The following KIF7 variants were observed in gnomAD, a reference collection of about 807,000 sequenced individuals.
KIF7 encodes kinesin family member 7.
In KIF7, 104 loss-of-function variants were observed where a neutral mutation model predicts 135.7. The ratio of observed to expected loss-of-function variants is 0.77; its 90% CI spans 0.65 to 0.90. The LOEUF is 0.90. Ranked by LOEUF, KIF7 falls within the 40% of genes least tolerant of loss-of-function variation. The pLI, the probability that KIF7 is intolerant of heterozygous loss-of-function variation, is 0.00. For missense variants in KIF7, 2,005 were observed against 1,839.1 expected (o/e 1.09, Z -1.65); for synonymous variants, 883 against 809.4 (o/e 1.09, Z -1.54).
At chr15:89,629,215 G>A in intron 17 of KIF7, 93 bp from the exon 18 acceptor site, 2 of 1,084,762 alleles carry the variant, frequency 1.8e-6, no homozygotes, top group Non-Finnish European at 2.6e-6. Flanking sequence ...CTGGGTGGGG[G>A]CCGGGGTTGT....
At chr15:89,658,820 C>T (rs1964230841), upstream of KIF7, among the ~76,000 whole-genome samples, 1 of 151,624 alleles carries the variant, frequency 6.6e-6, no homozygotes, top group Admixed American at 6.6e-5. Context: ...GCTGTGATGG[C>T]GCCACTGCAC....
At chr15:89,652,119 G>T (rs1964133139) in intron 2 of KIF7, among the ~76,000 whole-genome samples, 1 of 152,162 alleles carries the variant, frequency 6.6e-6, no homozygotes, top group Non-Finnish European at 1.5e-5. Context: ...TACTTAAAAG[G>T]GGACACTTCC....
chr15:89,633,028 T>A (rs756843103), intron 13 of KIF7, 32 bp from the exon 14 acceptor site: 1 of 1,024,372 alleles, frequency 9.8e-7, no homozygotes, highest in African/African-American at 2.0e-5. Flanking sequence ...GGGAGGGAAC[T>A]CAGGGCCCAC....
At chr15:89,646,439 A>T (rs929764338) in intron 7 of KIF7, among the ~76,000 whole-genome samples, 4 of 152,090 alleles carry the variant, frequency 2.6e-5, no homozygotes, top group Non-Finnish European at 4.4e-5. Flanking sequence ...CCTTTGTCCA[A>T]ACAAGGTTCC....
In KIF7 at chr15:89,633,802, GC is replaced by G. The variant is rs1567060121; in HGVS notation, c.2475del (p.Glu825AspfsTer32). 2 of 1,612,540 alleles carry G rather than the reference GC, an allele frequency of 1.2e-6. No individual in the cohort carries two copies. The highest frequency in any genetic ancestry group is 1.7e-6 in the Non-Finnish European group (2 of 1,180,028). Reference sequence around the variant, plus strand: ...TGCTGCCGCATGAGCTGCACGTTCCGCTCGAGCTCCTGCAGTCGCTTCTCAC... The same window carrying G: ...TGCTGCCGCATGAGCTGCACGTTCCGTCGAGCTCCTGCAGTCGCTTCTCAC... The part of the protein sequence containing the change: ...AQSEKRLQEL[E>X]RNVQLMRQQQ... On this transcript the variant is annotated frameshift_variant, in exon 12 of 19. Transcript: ENST00000394412. LOFTEE classifies it high-confidence loss of function.
At chr15:89,631,349 A>C in intron 15 of KIF7, 146 bp downstream of exon 15, 1 of 726,728 alleles carries the variant, frequency 1.4e-6, no homozygotes, top group Non-Finnish European at 2.2e-6. Context: ...AGCCCTCCCC[A>C]GCCCCCACCT....
chr15:89,641,853 T>C (rs1353793155), intron 11 of KIF7, among the ~76,000 whole-genome samples: 3 of 151,948 alleles, frequency 2.0e-5, no homozygotes, highest in Admixed American at 6.6e-5. Context: ...GACCAACGGA[T>C]AGACAGACAA....
At chr15:89,641,762 C>G (rs926220928) in intron 11 of KIF7, among the ~76,000 whole-genome samples, 1 of 152,142 alleles carries the variant, frequency 6.6e-6, no homozygotes, top group African/African-American at 2.4e-5. Flanking sequence ...GATGGTGGCA[C>G]TGTACTCCAG....
chr15:89,657,789 G>A (rs919079088), upstream of KIF7, among the ~76,000 whole-genome samples: 1 of 152,216 alleles, frequency 6.6e-6, no homozygotes, highest in Admixed American at 6.5e-5. Flanking sequence ...GAAACAAATT[G>A]AGTCGGTAAA....
intron 10 of KIF7, among the ~76,000 whole-genome samples, chr15:89,644,774 C>A (rs1963981212): frequency 6.6e-6 from 1 of 152,208 alleles, no homozygotes; most frequent in Non-Finnish European, 1.5e-5. Context: ...CCTCACAACA[C>A]CCCTATTCAG....
At chr15:89,644,043 A>C (rs1240964787) in intron 10 of KIF7, among the ~76,000 whole-genome samples, 6 of 152,100 alleles carry the variant, frequency 3.9e-5, no homozygotes, top group Non-Finnish European at 5.9e-5. Flanking sequence ...CAAAATATTC[A>C]GCAAAGAAAA....
intron 5 of KIF7, 64 bp from the exon 6 acceptor site, chr15:89,647,776 C>T (rs1596077791): frequency 4.0e-6 from 5 of 1,238,522 alleles, no homozygotes; most frequent in Non-Finnish European, 5.7e-6. Context: ...CACCCGGCCT[C>T]TTCTTGTTTA....
At chr15:89,626,895 A>C, downstream of KIF7, 3 of 1,581,230 alleles carry the variant, frequency 1.9e-6, no homozygotes, top group Non-Finnish European at 2.6e-6. Context: ...AATTTAAGCC[A>C]ATTTTTTTCA....
rs967239151 is a variant in KIF7, at chr15:89,629,211, G to A, written c.3518-89C>T. 5.7e-6 allele frequency: 6 copies of A among 1,056,028 alleles called. No individual in the cohort carries two copies. In the Admixed American group the frequency reaches 1.0e-4, roughly 18 times the overall value. 65.4% of individuals were successfully genotyped at this position (1,056,028 alleles called of 1,614,324 possible). A position where few individuals can be genotyped will look rare whatever the true frequency, so the allele number is the denominator to read the frequency against. ...TGGGGGTGGGGGCTGTGGGCTGGGT[G>A]GGGGCCGGGGTTGTGAGCGGTGGGC... On this transcript the variant is annotated intron_variant, in intron 17 of 18. Transcript: ENST00000394412.
chr15:89,630,062 C>A (rs1390805640), intron 16 of KIF7: 1 of 597,526 alleles, frequency 1.7e-6, no homozygotes, highest in Non-Finnish European at 3.0e-6. Flanking sequence ...ATGGACCACC[C>A]TGAGGTTAGC....
At chr15:89,633,643 T>A in intron 12 of KIF7, 43 bp downstream of exon 12, 2 of 1,594,196 alleles carry the variant, frequency 1.3e-6, no homozygotes, top group Non-Finnish European at 1.7e-6. Context: ...CAGCTCAGCC[T>A]ATTGGCCTGG....
intron 16 of KIF7, chr15:89,630,051 C>T (rs902506280): frequency 1.7e-6 from 1 of 585,832 alleles, no homozygotes; most frequent in Non-Finnish European, 3.0e-6. Context: ...CTATTGTGGC[C>T]ATGGACCACC....
intron 2 of KIF7, among the ~76,000 whole-genome samples, chr15:89,650,929 T>TTTG (rs555682809): frequency 4.6e-5 from 7 of 151,866 alleles, no homozygotes; most frequent in African/African-American, 2.4e-5. Context: ...TCATGATACA[T>TTTG]TTGTTGTTGT....
At chr15:89,645,226 G>C in intron 9 of KIF7, 61 bp from the exon 10 acceptor site, 8 of 1,603,386 alleles carry the variant, frequency 5.0e-6, no homozygotes, top group Non-Finnish European at 6.8e-6. Context: ...ACAGAGGAGT[G>C]GAGAGCAGGG....
Sources: gnomAD v4.1 joint callset for allele counts (sites outside exome capture counted in the v4.1 genomes callset) on GRCh38, gnomAD v4.1.1 for gene constraint, MANE v1.5 for transcripts, NCBI Gene and HGNC (gene_info 2026-07-23, HGNC 2026-07-21) for gene names.